The following PTPRD variants were observed in gnomAD, a reference collection of about 807,000 sequenced individuals.
PTPRD encodes the protein protein tyrosine phosphatase receptor type D, also known as receptor-type tyrosine-protein phosphatase delta.
In PTPRD, 34 loss-of-function variants were observed where a neutral mutation model predicts 214.5. The observed-to-expected ratio is 0.16, with a 90% CI of 0.12 to 0.21. The LOEUF is 0.21. PTPRD is among the 10% of genes least tolerant of loss of function. PTPRD has a pLI of 1.00. For synonymous variants in PTPRD, 1,128 were observed against 845.7 expected, an observed-to-expected ratio of 1.33 and a Z score of -5.79; for missense variants, 2,545 against 2,398.7, an observed-to-expected ratio of 1.06 and a Z score of -1.27.
intron 11 of PTPRD, among the ~76,000 whole-genome samples, chr9:8,899,677 G>A (rs1416619604): frequency 6.6e-6 from 1 of 152,164 alleles, no homozygotes; most frequent in Non-Finnish European, 1.5e-5. Flanking sequence ...TAGTTGCCTG[G>A]AACCCACAAA....
rs1171245915 is a variant in PTPRD, at chr9:9,663,079, G to GA, written c.-287+71453dup. Among the ~76,000 whole-genome samples, 5 of 151,358 alleles carry GA rather than the reference G, an allele frequency of 3.3e-5. No homozygotes were observed. The East Asian group carries it at 7.7e-4, about 23-fold the overall frequency. ...TAAATAGCAAAATTTCATTTGATGTGAAAAAATCACAAGCTGTTATGTGTG... is the reference window on the plus strand; with the variant it reads ...TAAATAGCAAAATTTCATTTGATGTGAAAAAAATCACAAGCTGTTATGTGTG... On this transcript the variant is annotated intron_variant, in intron 7 of 45. Coordinates refer to ENST00000381196, the MANE Select transcript of PTPRD (RefSeq NM_002839.4).
intron 8 of PTPRD, among the ~76,000 whole-genome samples, chr9:9,556,127 C>T (rs1393018083): frequency 6.6e-6 from 1 of 152,018 alleles, no homozygotes. Flanking sequence ...TCAATTAATA[C>T]ATATTTTGTA....
intron 14 of PTPRD, among the ~76,000 whole-genome samples, chr9:8,577,003 T>A (rs1034850452): frequency 2.6e-5 from 4 of 152,112 alleles, no homozygotes; most frequent in Admixed American, 1.3e-4. Context: ...CCATTCTCCT[T>A]CCACAATGCA....
intron 44 of PTPRD, among the ~76,000 whole-genome samples, chr9:8,324,186 G>A (rs1396134512): frequency 6.6e-6 from 1 of 151,602 alleles, no homozygotes; most frequent in African/African-American, 2.4e-5. Flanking sequence ...GCACCAGGGT[G>A]GTTTACTGCA....
intron 10 of PTPRD, among the ~76,000 whole-genome samples, chr9:9,135,494 G>C (rs1394353839): frequency 6.6e-6 from 1 of 152,044 alleles, no homozygotes; most frequent in Non-Finnish European, 1.5e-5. Context: ...CATTGCTGTT[G>C]ACTAATTCTC....
At chr9:10,457,879 A>C (rs73644462) in intron 2 of PTPRD, among the ~76,000 whole-genome samples, 1,627 of 152,180 alleles carry the variant, frequency 0.011, 36 homozygotes, top group African/African-American at 0.037. Context: ...GATAAGACTT[A>C]TATATAAAAT....
chr9:8,456,377 C>A (rs1436172292), intron 33 of PTPRD, among the ~76,000 whole-genome samples: 1 of 151,976 alleles, frequency 6.6e-6, no homozygotes, highest in Non-Finnish European at 1.5e-5. Flanking sequence ...CCCAGAAAGG[C>A]TTGATTTAGT....
intron 7 of PTPRD, among the ~76,000 whole-genome samples, chr9:9,665,288 T>C (rs1433231116): frequency 2.6e-5 from 4 of 151,766 alleles, no homozygotes; most frequent in Non-Finnish European, 5.9e-5. Flanking sequence ...ACGGCATAAA[T>C]ACAAAGCATT....
At chr9:9,911,550 A>C (rs1445642040) in intron 5 of PTPRD, among the ~76,000 whole-genome samples, 1 of 150,514 alleles carries the variant, frequency 6.6e-6, no homozygotes, top group Non-Finnish European at 1.5e-5. Flanking sequence ...GCAGTGTAAA[A>C]TTTATAATCA....
chr9:8,626,197 A>G (rs1042069572), intron 14 of PTPRD, among the ~76,000 whole-genome samples: 4 of 151,930 alleles, frequency 2.6e-5, no homozygotes, highest in Admixed American at 6.6e-5. Flanking sequence ...AATTTTATCA[A>G]TGAAAGCCAA....
chr9:8,848,638 C>T (rs922353658), intron 11 of PTPRD, among the ~76,000 whole-genome samples: 1 of 151,540 alleles, frequency 6.6e-6, no homozygotes, highest in African/African-American at 2.4e-5. Context: ...GTCAAGAAAG[C>T]ACCATGTCAT....
chr9:9,424,614 C>T (rs551493141), intron 8 of PTPRD, among the ~76,000 whole-genome samples: 59 of 152,140 alleles, frequency 3.9e-4, no homozygotes, highest in Middle Eastern at 3.4e-3. Flanking sequence ...TGGAGAAAAA[C>T]GGTGAAAGGC....
chr9:9,145,954 A>T (rs1397559276), intron 10 of PTPRD, among the ~76,000 whole-genome samples: 2 of 152,216 alleles, frequency 1.3e-5, no homozygotes, highest in African/African-American at 4.8e-5. Flanking sequence ...CTAACTGAAG[A>T]TGTCCTTCAT....
At chr9:9,105,801 C>T (rs2099797640) in intron 10 of PTPRD, among the ~76,000 whole-genome samples, 1 of 152,166 alleles carries the variant, frequency 6.6e-6, no homozygotes, top group Non-Finnish European at 1.5e-5. Context: ...GCTTAAGTGT[C>T]AGTACCATTT....
intron 7 of PTPRD, among the ~76,000 whole-genome samples, chr9:9,639,626 T>C (rs1403912941): frequency 6.6e-6 from 1 of 152,222 alleles, no homozygotes; most frequent in Non-Finnish European, 1.5e-5. Context: ...AATAAAATTG[T>C]ATATGAGACT....
At chr9:10,113,345 C>T (rs1331179207) in intron 3 of PTPRD, among the ~76,000 whole-genome samples, 1 of 152,186 alleles carries the variant, frequency 6.6e-6, no homozygotes, top group African/African-American at 2.4e-5. Flanking sequence ...TAGTTTCACT[C>T]TCAGGCCACT....
intron 5 of PTPRD, among the ~76,000 whole-genome samples, chr9:9,863,697 GA>G (rs1305437024): frequency 1.3e-5 from 2 of 152,120 alleles, no homozygotes; most frequent in Non-Finnish European, 2.9e-5. Flanking sequence ...ATATTTGTGA[GA>G]GGGCTATTGG....
At chr9:10,318,446 C>T (rs1460257258) in intron 3 of PTPRD, among the ~76,000 whole-genome samples, 2 of 151,868 alleles carry the variant, frequency 1.3e-5, no homozygotes, top group East Asian at 3.9e-4. Flanking sequence ...ATTAAAGGGC[C>T]TCAGGTTCCC....
chr9:9,493,549 G>C (rs2096018231), intron 8 of PTPRD, among the ~76,000 whole-genome samples: 1 of 152,012 alleles, frequency 6.6e-6, no homozygotes, highest in Non-Finnish European at 1.5e-5. Flanking sequence ...AGCACTTTGG[G>C]AGGCCGAGGC....
Sources: allele counts gnomAD v4.1 joint callset (sites outside exome capture counted in the v4.1 genomes callset), GRCh38; gene constraint gnomAD v4.1.1; transcripts MANE v1.5; gene names NCBI Gene and HGNC (gene_info 2026-07-23, HGNC 2026-07-21).